PLCB4: variants seen among roughly 807,000 people sequenced by gnomAD.
PLCB4 encodes phospholipase C beta 4.
A neutral mutation model predicts 178.8 loss-of-function variants in PLCB4; 77 were observed. The observed-to-expected ratio is 0.43, with a 90% CI of 0.36 to 0.52. PLCB4 has a LOEUF of 0.52. Among genes scored for constraint, PLCB4 ranks in the 20% least tolerant of loss-of-function variants. The pLI is 0.00. For missense variants in PLCB4, 1,024 were observed against 1,453.4 expected, an observed-to-expected ratio of 0.70 and a Z score of 4.80; for synonymous variants, 496 against 490.8, an observed-to-expected ratio of 1.01 and a Z score of -0.14.
chr20:9,319,115 T>C (rs917148781), intron 4 of PLCB4, among the ~76,000 whole-genome samples: 2 of 152,210 alleles, frequency 1.3e-5, no homozygotes, highest in Non-Finnish European at 2.9e-5. Flanking sequence ...GTGTAGCCAT[T>C]GAATTAACAG....
At chr20:9,150,804 C>G (rs574465281) in intron 2 of PLCB4, among the ~76,000 whole-genome samples, 1 of 152,122 alleles carries the variant, frequency 6.6e-6, no homozygotes, top group Non-Finnish European at 1.5e-5. Context: ...GTAGGGGAAA[C>G]CTTCTCCTCC....
chr20:9,411,031 T>C lies in PLCB4; in HGVS notation c.2000-6T>C, dbSNP rs756855470. 2 of 1,606,470 alleles carry C rather than the reference T, an allele frequency of 1.2e-6. No individual in the cohort carries two copies. The highest frequency in any genetic ancestry group is 1.7e-6 in the Non-Finnish European group (2 of 1,173,212). On this transcript the variant is annotated splice_region_variant and splice_polypyrimidine_tract_variant and intron_variant, in intron 24 of 39. Transcript: ENST00000378473. ...AAGATGCTAAATTATTTTTGTCTCT[T>C]GACAGATTTAGCGATGCAATTGAAT...
At chr20:9,470,541 A>G (rs1030411909) in intron 36 of PLCB4, among the ~76,000 whole-genome samples, 2 of 152,220 alleles carry the variant, frequency 1.3e-5, no homozygotes. Flanking sequence ...GCCAATTAAT[A>G]GCTTTTTACC....
intron 2 of PLCB4, among the ~76,000 whole-genome samples, chr20:9,158,930 T>C (rs994074383): frequency 5.9e-5 from 9 of 152,126 alleles, no homozygotes; most frequent in South Asian, 2.1e-4. Context: ...AGTTTATTAG[T>C]GTTAATGGCT....
chr20:9,167,208 A>G (rs1164335228), intron 2 of PLCB4, among the ~76,000 whole-genome samples: 1 of 152,048 alleles, frequency 6.6e-6, no homozygotes. Flanking sequence ...TGGGAAATCT[A>G]TGTACCTTCT....
At chr20:9,183,750 A>G (rs944643168) in intron 2 of PLCB4, among the ~76,000 whole-genome samples, 5 of 152,178 alleles carry the variant, frequency 3.3e-5, no homozygotes, top group Non-Finnish European at 7.3e-5. Context: ...GTGTTATTGA[A>G]AAATATTATT....
intron 3 of PLCB4, among the ~76,000 whole-genome samples, chr20:9,238,402 G>T (rs2094017324): frequency 1.3e-5 from 2 of 152,066 alleles, no homozygotes; most frequent in South Asian, 4.2e-4. Flanking sequence ...AGGAAGTGGA[G>T]TTGACCCCCC....
chr20:9,339,568 T>C (rs2032929895), intron 7 of PLCB4, among the ~76,000 whole-genome samples: 1 of 152,202 alleles, frequency 6.6e-6, no homozygotes, highest in Non-Finnish European at 1.5e-5. Context: ...TTTAACCCAG[T>C]AGACCTAAAA....
intron 3 of PLCB4, among the ~76,000 whole-genome samples, chr20:9,226,178 G>C (rs2093862228): frequency 6.6e-6 from 1 of 152,174 alleles, no homozygotes; most frequent in African/African-American, 2.4e-5. Flanking sequence ...CTGGAGGACT[G>C]GTGGTTTTAT....
chr20:9,229,902 T>G (rs185590881), intron 3 of PLCB4, among the ~76,000 whole-genome samples: 1 of 152,228 alleles, frequency 6.6e-6, no homozygotes, highest in Admixed American at 6.6e-5. Flanking sequence ...AAAGGAATTA[T>G]CAGAGTGATT....
Position 9,419,689 on chromosome 20 carries a change from C to T in PLCB4, c.2052-118C>T. 3 of 735,034 alleles carry T rather than the reference C, an allele frequency of 4.1e-6. No individual in the cohort carries two copies. The South Asian group carries it at 4.7e-5, about 12-fold the overall frequency. 45.5% of individuals were successfully genotyped at this position (735,034 alleles called of 1,614,324 possible). A position where few individuals can be genotyped will look rare whatever the true frequency, so the allele number is the denominator to read the frequency against. On this transcript the variant is annotated intron_variant, in intron 25 of 39. Coordinates refer to ENST00000378473, the MANE Select transcript of PLCB4 (RefSeq NM_001377142.1). ...CTCTTCCATCCTTAGGACCCTCTGC[C>T]TAAAATCCTAGCTCCTGTGTTACAG...
intron 5 of PLCB4, 22 bp from the exon 6 acceptor site, chr20:9,337,986 G>C (rs768842303): frequency 6.3e-7 from 1 of 1,596,538 alleles, no homozygotes; most frequent in Non-Finnish European, 8.6e-7. Flanking sequence ...GCTCATTGCT[G>C]TGTTGTATTC....
intron 3 of PLCB4, among the ~76,000 whole-genome samples, chr20:9,292,940 G>A (rs908743227): frequency 1.3e-5 from 2 of 152,108 alleles, no homozygotes; most frequent in Non-Finnish European, 2.9e-5. Flanking sequence ...TTATCCGAGT[G>A]TGGTGGTACA....
At chr20:9,080,390 A>T (rs187501687) in intron 1 of PLCB4, among the ~76,000 whole-genome samples, 9 of 151,252 alleles carry the variant, frequency 6.0e-5, no homozygotes, top group Admixed American at 1.3e-4. Context: ...TGCAGTAAGA[A>T]ACCAAGATAC....
chr20:9,218,842 G>A (rs1568969133), intron 3 of PLCB4, among the ~76,000 whole-genome samples: 1 of 152,198 alleles, frequency 6.6e-6, no homozygotes, highest in Non-Finnish European at 1.5e-5. Flanking sequence ...TGTCTTAGTA[G>A]GCAAAGAGGA....
At chr20:9,112,306 A>C (rs2091609699) in intron 2 of PLCB4, among the ~76,000 whole-genome samples, 2 of 146,584 alleles carry the variant, frequency 1.4e-5, no homozygotes, top group South Asian at 2.2e-4. Flanking sequence ...CCCAGGCCGC[A>C]GTACAGTGGA....
chr20:9,121,583 G>A (rs559455920), intron 2 of PLCB4, among the ~76,000 whole-genome samples: 2 of 152,138 alleles, frequency 1.3e-5, no homozygotes, highest in East Asian at 1.9e-4. Context: ...TGAACACACC[G>A]ATATAAAATG....
intron 36 of PLCB4, among the ~76,000 whole-genome samples, chr20:9,471,119 A>G (rs1376162859): frequency 6.6e-6 from 1 of 152,194 alleles, no homozygotes; most frequent in Admixed American, 6.5e-5. Flanking sequence ...GACAATGTAA[A>G]CACTATTTAT....
chr20:9,156,873 C>T (rs938126651), intron 2 of PLCB4, among the ~76,000 whole-genome samples: 1 of 129,584 alleles, frequency 7.7e-6, no homozygotes, highest in Non-Finnish European at 1.6e-5. Context: ...TCCTTCCTTC[C>T]TTCCTTCTTT....
Sources: allele counts gnomAD v4.1 joint callset (sites outside exome capture counted in the v4.1 genomes callset), GRCh38; gene constraint gnomAD v4.1.1; transcripts MANE v1.5; gene names NCBI Gene and HGNC (gene_info 2026-07-23, HGNC 2026-07-21).